FHIT: variants seen among roughly 807,000 people sequenced by gnomAD.
FHIT encodes the protein bis(5'-adenosyl)-triphosphatase.
FHIT carries 19 observed loss-of-function variants against 17.9 expected under a neutral mutation model. The observed-to-expected ratio is 1.06, with a 90% CI of 0.74 to 1.56. FHIT has a LOEUF of 1.56. FHIT is among the 40% of genes most tolerant of loss of function. The pLI is 0.00. For missense variants in FHIT, 248 were observed against 189.2 expected (o/e 1.31, Z -1.82); for synonymous variants, 81 against 69.7 (o/e 1.16, Z -0.81).
chr3:60,858,293 A>C (rs1703469025), intron 3 of FHIT, among the ~76,000 whole-genome samples: 1 of 152,204 alleles, frequency 6.6e-6, no homozygotes, highest in African/African-American at 2.4e-5. Context: ...ACACACTTTT[A>C]AGCAGTAAAA....
chr3:60,213,298 ATTC>A (rs776523020), intron 5 of FHIT, among the ~76,000 whole-genome samples: 1 of 152,044 alleles, frequency 6.6e-6, no homozygotes, highest in Non-Finnish European at 1.5e-5. Flanking sequence ...TTGGCCTCAT[ATTC>A]TTCTTCCATG....
chr3:59,860,933 A>G (rs1038562553), intron 8 of FHIT, among the ~76,000 whole-genome samples: 1 of 152,206 alleles, frequency 6.6e-6, no homozygotes, highest in Admixed American at 6.5e-5. Flanking sequence ...CCAGGTCCAT[A>G]GAACCCGAAA....
chr3:61,059,147 A>G (rs1004797303), intron 2 of FHIT, among the ~76,000 whole-genome samples: 5 of 152,222 alleles, frequency 3.3e-5, no homozygotes, highest in African/African-American at 1.2e-4. Flanking sequence ...GCTAAGATAG[A>G]AAGTCAATTT....
At chr3:60,161,648 C>T (rs926839184) in intron 5 of FHIT, among the ~76,000 whole-genome samples, 7 of 151,786 alleles carry the variant, frequency 4.6e-5, no homozygotes, top group African/African-American at 9.7e-5. Flanking sequence ...GAGAGTGTTT[C>T]GAGGTAGGTA....
chr3:60,260,439 T>C (rs557358270), intron 5 of FHIT, among the ~76,000 whole-genome samples: 2 of 151,922 alleles, frequency 1.3e-5, no homozygotes, highest in African/African-American at 4.8e-5. Flanking sequence ...GTGTAAGCGT[T>C]AAAACTTGGC....
intron 1 of FHIT, among the ~76,000 whole-genome samples, chr3:61,211,050 C>T (rs948786591): frequency 3.3e-5 from 5 of 152,060 alleles, no homozygotes; most frequent in Admixed American, 6.5e-5. Flanking sequence ...GAAACAGCTC[C>T]GGTCTACAGC....
intron 3 of FHIT, among the ~76,000 whole-genome samples, chr3:61,007,350 T>C (rs1461517729): frequency 6.6e-6 from 1 of 152,226 alleles, no homozygotes; most frequent in Non-Finnish European, 1.5e-5. Flanking sequence ...TTTTTTCATC[T>C]GCCATGTTTA....
chr3:60,912,614 C>T (rs936548948), intron 3 of FHIT: 1 of 333,402 alleles, frequency 3.0e-6, no homozygotes, highest in Non-Finnish European at 5.8e-6. Context: ...ATAAAGGTGC[C>T]CTCCCCACCT....
chr3:60,908,877 G>T (rs1706572942), intron 3 of FHIT, among the ~76,000 whole-genome samples: 1 of 152,236 alleles, frequency 6.6e-6, no homozygotes, highest in South Asian at 2.1e-4. Flanking sequence ...CATATGAAGG[G>T]TACTTTGTGG....
intron 8 of FHIT, among the ~76,000 whole-genome samples, chr3:59,781,972 T>G (rs575077429): frequency 6.6e-6 from 1 of 152,296 alleles, no homozygotes; most frequent in African/African-American, 2.4e-5. Flanking sequence ...TTGTCTAAAA[T>G]CTAGCTTTTA....
At chr3:61,238,969 A>T (rs1471918999) in intron 1 of FHIT, among the ~76,000 whole-genome samples, 2 of 152,174 alleles carry the variant, frequency 1.3e-5, no homozygotes, top group Non-Finnish European at 1.5e-5. Flanking sequence ...TAGTGAAGGA[A>T]ATGAGAAGGA....
At chr3:60,526,924 C>CA (rs2035597178) in intron 5 of FHIT, among the ~76,000 whole-genome samples, 1 of 152,180 alleles carries the variant, frequency 6.6e-6, no homozygotes, top group South Asian at 2.1e-4. Context: ...AGCATCCCTA[C>CA]ACTCCTCATT....
At chr3:61,039,728 G>A (rs1370367624) in intron 3 of FHIT, among the ~76,000 whole-genome samples, 1 of 152,120 alleles carries the variant, frequency 6.6e-6, no homozygotes, top group Non-Finnish European at 1.5e-5. Flanking sequence ...GCGGGGGTTA[G>A]CATTAGGAGA....
At chr3:60,798,944 G>C (rs1553731377) in intron 4 of FHIT, among the ~76,000 whole-genome samples, 1 of 151,688 alleles carries the variant, frequency 6.6e-6, no homozygotes, top group South Asian at 2.1e-4. Context: ...TTTTAGTATA[G>C]ATGGGATTTC....
chr3:60,834,754 A>T (rs997108739), intron 3 of FHIT, among the ~76,000 whole-genome samples: 1 of 152,000 alleles, frequency 6.6e-6, no homozygotes, highest in Non-Finnish European at 1.5e-5. Flanking sequence ...AGTCCCAGCT[A>T]TTCCAGAGCC....
At chr3:60,193,307 A>T (rs1339864525) in intron 5 of FHIT, among the ~76,000 whole-genome samples, 1 of 152,082 alleles carries the variant, frequency 6.6e-6, no homozygotes, top group African/African-American at 2.4e-5. Flanking sequence ...TGGTCTCAGC[A>T]CCCTTAGGTT....
intron 1 of FHIT, among the ~76,000 whole-genome samples, chr3:61,209,916 C>T (rs1466699408): frequency 6.6e-6 from 1 of 152,158 alleles, no homozygotes; most frequent in African/African-American, 2.4e-5. Flanking sequence ...AGTTTTTCTG[C>T]TCTGTTTTTT....
intron 5 of FHIT, among the ~76,000 whole-genome samples, chr3:60,215,028 G>A (rs1703633739): frequency 6.6e-6 from 1 of 151,978 alleles, no homozygotes; most frequent in Admixed American, 6.6e-5. Flanking sequence ...GGAGGGAGAT[G>A]AGGAGGGGCA....
intron 5 of FHIT, among the ~76,000 whole-genome samples, chr3:60,022,918 T>C (rs1291830917): frequency 6.6e-6 from 1 of 152,228 alleles, no homozygotes; most frequent in African/African-American, 2.4e-5. Context: ...AATCTATTAT[T>C]ATTGTTATTG....
Sources: allele counts gnomAD v4.1 joint callset (sites outside exome capture counted in the v4.1 genomes callset), GRCh38; gene constraint gnomAD v4.1.1; transcripts MANE v1.5; gene names NCBI Gene and HGNC (gene_info 2026-07-23, HGNC 2026-07-21).